The following GNAQ variants were observed in gnomAD, a reference collection of about 807,000 sequenced individuals.
GNAQ encodes guanine nucleotide-binding protein G(q) subunit alpha.
Under a neutral mutation model 43.9 loss-of-function variants are expected in GNAQ, and 8 were observed. That is an observed-to-expected ratio of 0.18 (90% CI 0.11 to 0.33). The LOEUF (loss-of-function observed/expected upper bound fraction) is 0.33, where lower values mean the gene tolerates loss of function less well. GNAQ is among the 10% of genes least tolerant of loss of function. The pLI is 1.00. For synonymous variants in GNAQ, 155 were observed against 170.7 expected (o/e 0.91, Z 0.71); for missense variants, 158 against 450.8 (o/e 0.35, Z 5.88).
chr9:77,735,468 C>T (rs1825563205), intron 5 of GNAQ, among the ~76,000 whole-genome samples: 1 of 152,116 alleles, frequency 6.6e-6, no homozygotes, highest in Non-Finnish European at 1.5e-5. Context: ...TAAATAAATG[C>T]AACAACCCAG....
intron 5 of GNAQ, among the ~76,000 whole-genome samples, chr9:77,780,915 A>T (rs1826384499): frequency 6.6e-6 from 1 of 150,478 alleles, no homozygotes; most frequent in Non-Finnish European, 1.5e-5. Context: ...TCCTTTGAGA[A>T]ATGTCTCTTC....
At chr9:77,842,107 G>A (rs1259607571) in intron 2 of GNAQ, among the ~76,000 whole-genome samples, 4 of 152,212 alleles carry the variant, frequency 2.6e-5, no homozygotes, top group African/African-American at 9.6e-5. Flanking sequence ...TCTGCCTTAA[G>A]AAATTATATT....
At chr9:77,834,096 T>A (rs900783599) in intron 2 of GNAQ, among the ~76,000 whole-genome samples, 11 of 152,196 alleles carry the variant, frequency 7.2e-5, no homozygotes, top group African/African-American at 2.7e-4. Flanking sequence ...AGTATTAAAA[T>A]AGGAAATAAG....
intron 2 of GNAQ, among the ~76,000 whole-genome samples, chr9:77,821,425 A>G (rs1827110468): frequency 6.6e-6 from 1 of 151,982 alleles, no homozygotes; most frequent in Non-Finnish European, 1.5e-5. Context: ...CCCTACCACT[A>G]CCATTTTCCA....
At chr9:77,797,437 CAT>C in intron 4 of GNAQ, 81 bp downstream of exon 4, 5 of 1,018,776 alleles carry the variant, frequency 4.9e-6, no homozygotes, top group East Asian at 2.4e-5. Flanking sequence ...GAAGCCTACA[CAT>C]GATTCCAGTA....
chr9:77,868,666 C>G (rs947298217), intron 2 of GNAQ, among the ~76,000 whole-genome samples: 1 of 151,982 alleles, frequency 6.6e-6, no homozygotes, highest in African/African-American at 2.4e-5. Flanking sequence ...TGTGGTGGCA[C>G]GTGCCTGTAA....
intron 5 of GNAQ, among the ~76,000 whole-genome samples, chr9:77,758,361 A>G (rs956730227): frequency 1.3e-5 from 2 of 152,228 alleles, no homozygotes; most frequent in Admixed American, 1.3e-4. Flanking sequence ...CAACATCACA[A>G]ATATTCTAAA....
chr9:77,769,556 GT>G (rs1445386916), intron 5 of GNAQ, among the ~76,000 whole-genome samples: 1 of 151,840 alleles, frequency 6.6e-6, no homozygotes, highest in Admixed American at 6.6e-5. Context: ...GAATGCACGT[GT>G]TTCTTATCTA....
At chr9:77,998,074 G>A (rs755213890) in intron 1 of GNAQ, among the ~76,000 whole-genome samples, 7 of 152,016 alleles carry the variant, frequency 4.6e-5, no homozygotes, top group Non-Finnish European at 1.0e-4. Flanking sequence ...GCACACGCGC[G>A]CATGTACACA....
At position 77,761,334 on chromosome 9, in the gene GNAQ, C is replaced by A. The variant is rs1368336706; in HGVS notation, c.736-32667G>T. Reference sequence around the variant, plus strand: ...TCCGGGAGGGAGGTGGGGGGTCAGCCCCCCGCCCGGCCAGCCGCCCCGTCC... The same window carrying A: ...TCCGGGAGGGAGGTGGGGGGTCAGCACCCCGCCCGGCCAGCCGCCCCGTCC... On this transcript the variant is annotated intron_variant, in intron 5 of 6. Coordinates refer to ENST00000286548, the MANE Select transcript of GNAQ (RefSeq NM_002072.5). Among the ~76,000 whole-genome samples the A allele has an allele frequency of 8.0e-5, 11 of 137,984 alleles. No individual in the cohort carries two copies. In the East Asian group the frequency reaches 2.7e-3, roughly 34 times the overall value. The allele number at this position is 137,984 out of a possible 152,430, so 90.5% of individuals were successfully genotyped here. A position where few individuals can be genotyped will look rare whatever the true frequency, so the allele number is the denominator to read the frequency against.
At position 78,031,297 on chromosome 9, in the gene GNAQ, C is replaced by A. The variant is rs950321335; in HGVS notation, c.-62G>T. 14 of 1,273,374 alleles carry A rather than the reference C, an allele frequency of 1.1e-5. No homozygotes were observed. In the Admixed American group the frequency reaches 1.4e-4, roughly 13 times the overall value. 78.9% of individuals were successfully genotyped at this position (1,273,374 alleles called of 1,614,324 possible). On this transcript the variant is annotated 5_prime_UTR_variant, in exon 1 of 7. Coordinates refer to ENST00000286548, the MANE Select transcript of GNAQ (RefSeq NM_002072.5). ...CCCCTGCTCACAGCGCGCACACACA[C>A]CCTCCCGCCCTCGCTCCCCCGAGGC...
At position 77,788,105 on chromosome 9, in the gene GNAQ, C is replaced by T. The variant is rs1168053084; in HGVS notation, c.735+6358G>A. 2.0e-5 allele frequency among the ~76,000 whole-genome samples: 3 copies of T among 152,212 alleles called. No homozygotes were observed. In the East Asian group the frequency reaches 5.8e-4, roughly 29 times the overall value. On this transcript the variant is annotated intron_variant, in intron 5 of 6. Transcript: ENST00000286548. ...AATAAACAAAATGAAAACGACAAAC[C>T]ATGTAGTGACAGATAATTTCCATAT...
chr9:77,758,299 A>G (rs1825935306), intron 5 of GNAQ, among the ~76,000 whole-genome samples: 2 of 152,250 alleles, frequency 1.3e-5, no homozygotes, highest in South Asian at 4.1e-4. Context: ...GTTACTCAAC[A>G]CAGGCATCAA....
At chr9:77,771,626 C>T (rs1418057457) in intron 5 of GNAQ, among the ~76,000 whole-genome samples, 1 of 152,114 alleles carries the variant, frequency 6.6e-6, no homozygotes, top group African/African-American at 2.4e-5. Context: ...ACAGGACTGG[C>T]TACAGAATCT....
In GNAQ at chr9:77,917,379, G is replaced by A. The variant is rs75389899; in HGVS notation, c.321+4782C>T. On this transcript the variant is annotated intron_variant, in intron 2 of 6. Transcript: ENST00000286548. The stretch of plus-strand genomic sequence containing the variant: ...AAAGAGGGCGGAAGGAGGGTGGGGG[G>A]GAAGAAGGTAAGAAAAAATAACTAC... Among the ~76,000 whole-genome samples the A allele has an allele frequency of 9.3e-3, 1,417 of 152,134 alleles. 13 individuals are homozygous for A. The highest frequency in any genetic ancestry group is 0.052 in the South Asian group (252 of 4,820).
intron 2 of GNAQ, among the ~76,000 whole-genome samples, chr9:77,865,158 C>G (rs1432530502): frequency 6.6e-6 from 1 of 152,130 alleles, no homozygotes; most frequent in Non-Finnish European, 1.5e-5. Context: ...ACAGCTCACT[C>G]CGCTCTTCCA....
chr9:77,971,210 G>C (rs1823233190), intron 1 of GNAQ, among the ~76,000 whole-genome samples: 2 of 152,176 alleles, frequency 1.3e-5, no homozygotes, highest in South Asian at 2.1e-4. Context: ...ACAAAGAGGA[G>C]CTGATACCAT....
chr9:77,768,617 T>C (rs1237596594), intron 5 of GNAQ, among the ~76,000 whole-genome samples: 3 of 152,200 alleles, frequency 2.0e-5, no homozygotes, highest in Admixed American at 6.5e-5. Flanking sequence ...AGAAAAGCAG[T>C]TGAAGCATCC....
intron 2 of GNAQ, among the ~76,000 whole-genome samples, chr9:77,878,451 C>T (rs1386382877): frequency 6.6e-6 from 1 of 151,862 alleles, no homozygotes; most frequent in Non-Finnish European, 1.5e-5. Context: ...ATCTCTAAGA[C>T]GATCATATCA....
Sources: gnomAD v4.1 joint callset for allele counts (sites outside exome capture counted in the v4.1 genomes callset) on GRCh38, gnomAD v4.1.1 for gene constraint, MANE v1.5 for transcripts, NCBI Gene and HGNC (gene_info 2026-07-23, HGNC 2026-07-21) for gene names.